The following KCNQ5 variants were observed in gnomAD, a reference collection of about 807,000 sequenced individuals.
KCNQ5 encodes potassium voltage-gated channel subfamily Q member 5, also known as potassium voltage-gated channel subfamily KQT member 5.
KCNQ5 carries 30 observed loss-of-function variants against 98.2 expected under a neutral mutation model. The ratio of observed to expected loss-of-function variants is 0.31; its 90% CI spans 0.23 to 0.41. KCNQ5 has a LOEUF of 0.41. Ranked by LOEUF, KCNQ5 falls within the 10% of genes least tolerant of loss-of-function variation. The probability of loss-of-function intolerance (pLI) is 1.00; values close to 1 mark genes in which losing one functional copy is unlikely to be tolerated. For synonymous variants in KCNQ5, 458 were observed against 449.4 expected, an observed-to-expected ratio of 1.02 and a Z score of -0.24; for missense variants, 835 against 1,182.5, an observed-to-expected ratio of 0.71 and a Z score of 4.31.
At chr6:72,726,456 G>A (rs1017850313) in intron 1 of KCNQ5, among the ~76,000 whole-genome samples, 2 of 151,872 alleles carry the variant, frequency 1.3e-5, no homozygotes, top group Non-Finnish European at 2.9e-5. Flanking sequence ...CTCGTGATCC[G>A]CCCGCCTCGG....
At chr6:72,832,707 C>A (rs1261033429) in intron 1 of KCNQ5, among the ~76,000 whole-genome samples, 1 of 152,186 alleles carries the variant, frequency 6.6e-6, no homozygotes, top group African/African-American at 2.4e-5. Context: ...CTGCACACTT[C>A]TCTGTAGAAG....
chr6:73,164,644 A>G (rs1248507699), intron 10 of KCNQ5, among the ~76,000 whole-genome samples: 2 of 152,222 alleles, frequency 1.3e-5, no homozygotes, highest in Non-Finnish European at 2.9e-5. Flanking sequence ...TAGTTTCACT[A>G]TCTTTACTTT....
chr6:73,065,741 CT>C (rs1773020641), intron 3 of KCNQ5, among the ~76,000 whole-genome samples: 1 of 152,198 alleles, frequency 6.6e-6, no homozygotes, highest in Non-Finnish European at 1.5e-5. Context: ...ACCTCAAGGT[CT>C]TTTTATATTT....
intron 1 of KCNQ5, among the ~76,000 whole-genome samples, chr6:72,843,739 C>T (rs1776903994): frequency 6.6e-6 from 1 of 152,130 alleles, no homozygotes; most frequent in African/African-American, 2.4e-5. Flanking sequence ...AAAGACACAT[C>T]CACACATATG....
At chr6:72,801,952 G>T (rs1774683961) in intron 1 of KCNQ5, among the ~76,000 whole-genome samples, 1 of 152,100 alleles carries the variant, frequency 6.6e-6, no homozygotes, top group Non-Finnish European at 1.5e-5. Context: ...TTGAATATTG[G>T]TCCCCACTCT....
intron 11 of KCNQ5, among the ~76,000 whole-genome samples, chr6:73,185,396 G>T (rs1033480166): frequency 6.6e-6 from 1 of 152,040 alleles, no homozygotes; most frequent in African/African-American, 2.4e-5. Context: ...TGCCCAGGCT[G>T]GTCTCAAACT....
intron 1 of KCNQ5, among the ~76,000 whole-genome samples, chr6:72,693,049 A>G (rs1007433032): frequency 2.6e-5 from 4 of 152,178 alleles, no homozygotes; most frequent in African/African-American, 7.2e-5. Context: ...AATATAGAGA[A>G]TGGATTGGGC....
intron 2 of KCNQ5, among the ~76,000 whole-genome samples, chr6:73,028,420 T>C (rs1770987124): frequency 6.6e-6 from 1 of 152,202 alleles, no homozygotes; most frequent in African/African-American, 2.4e-5. Context: ...GAGCTCTCCT[T>C]GTTTCAAGAG....
chr6:73,160,525 A>C (rs958247276), intron 10 of KCNQ5, among the ~76,000 whole-genome samples: 9 of 152,194 alleles, frequency 5.9e-5, no homozygotes, highest in Non-Finnish European at 1.2e-4. Flanking sequence ...GAATGTTGTG[A>C]TAGGACAAAA....
intron 1 of KCNQ5, among the ~76,000 whole-genome samples, chr6:72,722,970 T>C (rs1420895245): frequency 2.0e-5 from 3 of 150,974 alleles, no homozygotes; most frequent in Non-Finnish European, 4.4e-5. Flanking sequence ...CCGCCTCAGC[T>C]TCCCAAGCAG....
intron 1 of KCNQ5, among the ~76,000 whole-genome samples, chr6:72,971,046 A>G (rs1322310754): frequency 6.6e-6 from 1 of 152,230 alleles, no homozygotes; most frequent in Admixed American, 6.5e-5. Context: ...AGAAACTACC[A>G]TCAGAGTGAA....
Position 72,642,190 on chromosome 6 carries a change from TACAAGTGAAAA to T in KCNQ5, c.398+19608_398+19618del, listed in dbSNP as rs199761291. Among the ~76,000 whole-genome samples the T allele has an allele frequency of 8.0e-3, 1,210 of 150,816 alleles. 23 individuals are homozygous for T. The highest frequency in any genetic ancestry group is 0.043 in the East Asian group (224 of 5,158). ...GCGTGTTAAAAAGGCCTCCCAAATT[TACAAGTGAAAA>T]ACAAACATTTTGCGAGTAAAAAACA... is the stretch of plus-strand genomic sequence containing the variant. On this transcript the variant is annotated intron_variant, in intron 1 of 13. Transcript: ENST00000370398.
chr6:73,023,840 A>T (rs2150341467), intron 2 of KCNQ5, among the ~76,000 whole-genome samples: 1 of 152,306 alleles, frequency 6.6e-6, no homozygotes, highest in East Asian at 1.9e-4. Flanking sequence ...TAATTATTTT[A>T]AAGAGCTCAC....
chr6:72,736,757 C>T (rs1770872526), intron 1 of KCNQ5, among the ~76,000 whole-genome samples: 1 of 151,622 alleles, frequency 6.6e-6, no homozygotes, highest in Non-Finnish European at 1.5e-5. Flanking sequence ...CCTCGGCCTC[C>T]CAAAGTGCTG....
intron 1 of KCNQ5, among the ~76,000 whole-genome samples, chr6:72,794,861 C>G (rs1300524757): frequency 1.3e-5 from 2 of 152,150 alleles, no homozygotes; most frequent in Non-Finnish European, 2.9e-5. Context: ...AAACCTTTTT[C>G]TTAAGTTTCA....
At chr6:72,768,226 A>G (rs1205868977) in intron 1 of KCNQ5, among the ~76,000 whole-genome samples, 1 of 151,934 alleles carries the variant, frequency 6.6e-6, no homozygotes, top group South Asian at 2.1e-4. Flanking sequence ...CGTCAGCTGA[A>G]ACCTAAAAAG....
At chr6:72,963,575 T>A (rs1380394413) in intron 1 of KCNQ5, among the ~76,000 whole-genome samples, 1 of 152,214 alleles carries the variant, frequency 6.6e-6, no homozygotes, top group Non-Finnish European at 1.5e-5. Context: ...TAAATGATAG[T>A]ATAATAGAAA....
intron 1 of KCNQ5, among the ~76,000 whole-genome samples, chr6:72,917,700 T>C (rs1233391209): frequency 6.6e-6 from 1 of 152,062 alleles, no homozygotes; most frequent in Non-Finnish European, 1.5e-5. Context: ...CTCGATTTCT[T>C]GGCCTCGTGA....
At chr6:73,065,298 C>T (rs1009821705) in intron 3 of KCNQ5, among the ~76,000 whole-genome samples, 4 of 152,186 alleles carry the variant, frequency 2.6e-5, no homozygotes, top group African/African-American at 7.2e-5. Context: ...TAGACTCCCT[C>T]GTTTGTCTCA....
Sources: allele counts gnomAD v4.1 joint callset (sites outside exome capture counted in the v4.1 genomes callset), GRCh38; gene constraint gnomAD v4.1.1; transcripts MANE v1.5; gene names NCBI Gene and HGNC (gene_info 2026-07-23, HGNC 2026-07-21).